Variants in WDPCP observed in about 807,000 individuals in gnomAD.
WDPCP encodes the protein WD repeat containing planar cell polarity effector.
WDPCP carries 71 observed loss-of-function variants against 93.1 expected under a neutral mutation model. The observed-to-expected ratio is 0.76, with a 90% confidence interval of 0.63 to 0.93. The LOEUF is 0.93. Among genes scored for constraint, WDPCP ranks in the 40% least tolerant of loss-of-function variants. The pLI is 0.00. For synonymous variants in WDPCP, 315 were observed against 315.0 expected, an observed-to-expected ratio of 1.00 and a Z score of 0.00; for missense variants, 844 against 887.4, an observed-to-expected ratio of 0.95 and a Z score of 0.62.
chr2:63,826,462 G>A (rs1325743858), intron 1 of WDPCP, among the ~76,000 whole-genome samples: 1 of 152,030 alleles, frequency 6.6e-6, no homozygotes, highest in Non-Finnish European at 1.5e-5. Context: ...AGCAGTCCTT[G>A]TTAACTTTTA....
At chr2:63,820,451 G>T (rs1671000466) in intron 1 of WDPCP, among the ~76,000 whole-genome samples, 1 of 152,132 alleles carries the variant, frequency 6.6e-6, no homozygotes, top group African/African-American at 2.4e-5. Flanking sequence ...TAACACAAAT[G>T]CTAGCAGCTG....
intron 2 of WDPCP, among the ~76,000 whole-genome samples, chr2:63,754,769 T>A (rs1316842176): frequency 6.6e-6 from 1 of 152,216 alleles, no homozygotes; most frequent in Non-Finnish European, 1.5e-5. Flanking sequence ...AGTATTGCCA[T>A]CCAGCTGACT....
At chr2:63,565,887 G>A (rs144736757) in intron 1 of WDPCP, among the ~76,000 whole-genome samples, 21 of 152,050 alleles carry the variant, frequency 1.4e-4, no homozygotes, top group Middle Eastern at 3.4e-3. Context: ...TATAGCCATC[G>A]CCCAGTCCTG....
intron 2 of WDPCP, among the ~76,000 whole-genome samples, chr2:63,681,825 TG>T (rs1370732913): frequency 6.6e-6 from 1 of 152,144 alleles, no homozygotes; most frequent in Non-Finnish European, 1.5e-5. Context: ...CAGCTCCAGG[TG>T]GCTTACCACA....
intron 6 of WDPCP, among the ~76,000 whole-genome samples, chr2:63,470,305 T>G (rs1699618403): frequency 6.6e-6 from 1 of 152,190 alleles, no homozygotes; most frequent in Non-Finnish European, 1.5e-5. Flanking sequence ...TAATCAACAA[T>G]CTATTTGACT....
intron 13 of WDPCP, among the ~76,000 whole-genome samples, chr2:63,296,682 A>T (rs1559294307): frequency 6.6e-6 from 1 of 152,186 alleles, no homozygotes; most frequent in South Asian, 2.1e-4. Flanking sequence ...CAGGAACTCA[A>T]TCCCATTTAC....
At chr2:63,453,035 A>G (rs1173243896) in intron 6 of WDPCP, among the ~76,000 whole-genome samples, 1 of 152,232 alleles carries the variant, frequency 6.6e-6, no homozygotes, top group Non-Finnish European at 1.5e-5. Context: ...AGGCATGGAC[A>G]AGGACTTCAT....
intron 1 of WDPCP, among the ~76,000 whole-genome samples, chr2:63,541,721 A>G (rs1405271235): frequency 6.6e-6 from 1 of 152,176 alleles, no homozygotes; most frequent in Non-Finnish European, 1.5e-5. Flanking sequence ...CAACTAGTTA[A>G]TAACATCAAA....
chr2:63,744,505 G>C (rs1669766865), intron 2 of WDPCP, among the ~76,000 whole-genome samples: 1 of 152,092 alleles, frequency 6.6e-6, no homozygotes. Context: ...AAACAAATTA[G>C]TCAGACCAAG....
At chr2:63,344,490 C>T (rs1248886632) in intron 12 of WDPCP, among the ~76,000 whole-genome samples, 3 of 152,146 alleles carry the variant, frequency 2.0e-5, no homozygotes, top group African/African-American at 4.8e-5. Flanking sequence ...TATTTCTGAG[C>T]CTGTGTCCAG....
At chr2:63,491,651 C>A (rs1002176682) in intron 2 of WDPCP, among the ~76,000 whole-genome samples, 1 of 152,182 alleles carries the variant, frequency 6.6e-6, no homozygotes, top group Non-Finnish European at 1.5e-5. Flanking sequence ...TCTTCTACTG[C>A]CCCTGGTGTT....
intron 1 of WDPCP, among the ~76,000 whole-genome samples, chr2:63,575,101 C>G (rs1019720294): frequency 5.9e-5 from 9 of 151,736 alleles, no homozygotes; most frequent in African/African-American, 2.2e-4. Context: ...ATCAGTAATT[C>G]TGTAATGCAA....
At chr2:63,260,281 A>G (rs976806299) in intron 13 of WDPCP, among the ~76,000 whole-genome samples, 7 of 152,212 alleles carry the variant, frequency 4.6e-5, no homozygotes, top group African/African-American at 1.4e-4. Flanking sequence ...AAGGATTTAG[A>G]TCTCTTTTTG....
chr2:63,532,864 A>C (rs1703969317), intron 1 of WDPCP, among the ~76,000 whole-genome samples: 1 of 152,220 alleles, frequency 6.6e-6, no homozygotes, highest in Non-Finnish European at 1.5e-5. Flanking sequence ...TAACAATATT[A>C]ACCTTAAATA....
At chr2:63,715,177 G>A (rs1021293096) in intron 2 of WDPCP, among the ~76,000 whole-genome samples, 3 of 152,108 alleles carry the variant, frequency 2.0e-5, no homozygotes, top group Non-Finnish European at 4.4e-5. Context: ...TTCTTTGTGG[G>A]GTGATAAAAT....
At chr2:63,449,160 A>G (rs1698063182) in intron 6 of WDPCP, among the ~76,000 whole-genome samples, 1 of 152,232 alleles carries the variant, frequency 6.6e-6, no homozygotes, top group South Asian at 2.1e-4. Context: ...CTTGAATAAA[A>G]GTGAAAAAAA....
intron 13 of WDPCP, among the ~76,000 whole-genome samples, chr2:63,266,125 C>G (rs1021724287): frequency 1.1e-4 from 16 of 152,302 alleles, no homozygotes; most frequent in Admixed American, 1.0e-3. Flanking sequence ...CTTATCACTT[C>G]TATTCAACAC....
At chr2:63,323,417 G>T (rs1467644050) in intron 12 of WDPCP, among the ~76,000 whole-genome samples, 1 of 152,138 alleles carries the variant, frequency 6.6e-6, no homozygotes, top group Non-Finnish European at 1.5e-5. Context: ...CCCATCGTAG[G>T]GGGGACTATC....
chr2:63,704,143 T>C (rs1316159592), intron 2 of WDPCP, among the ~76,000 whole-genome samples: 3 of 152,204 alleles, frequency 2.0e-5, no homozygotes, highest in African/African-American at 4.8e-5. Context: ...TTTTTGCACA[T>C]TGATTTTGTA....
Sources: gnomAD v4.1 joint callset for allele counts (sites outside exome capture counted in the v4.1 genomes callset) on GRCh38, gnomAD v4.1.1 for gene constraint, MANE v1.5 for transcripts, NCBI Gene and HGNC (gene_info 2026-07-23, HGNC 2026-07-21) for gene names.